LRP1B: variants seen among roughly 807,000 people sequenced by gnomAD.
LRP1B encodes the protein LDL receptor related protein 1B.
In LRP1B, 217 loss-of-function variants were observed where a neutral mutation model predicts 556.6. The observed-to-expected ratio is 0.39, with a 90% CI of 0.35 to 0.44. LRP1B has a LOEUF of 0.44. Among genes scored for constraint, LRP1B ranks in the 20% least tolerant of loss-of-function variants. The pLI is 1.00. For synonymous variants in LRP1B, 2,047 were observed against 1,865.8 expected, an observed-to-expected ratio of 1.10 and a Z score of -2.50; for missense variants, 5,053 against 5,620.8, an observed-to-expected ratio of 0.90 and a Z score of 3.23.
intron 2 of LRP1B, among the ~76,000 whole-genome samples, chr2:141,497,617 G>A (rs550423226): frequency 1.1e-4 from 17 of 152,058 alleles, no homozygotes; most frequent in African/African-American, 4.1e-4. Flanking sequence ...ACTGCAGGAT[G>A]TTTGCTGTTT....
At chr2:140,584,618 T>C (rs1015464772) in intron 43 of LRP1B, among the ~76,000 whole-genome samples, 1 of 152,252 alleles carries the variant, frequency 6.6e-6, no homozygotes, top group South Asian at 2.1e-4. Flanking sequence ...ATGAATACAC[T>C]AGTTGCCCTA....
chr2:140,353,369 T>A (rs542972053), intron 75 of LRP1B, among the ~76,000 whole-genome samples: 2 of 152,204 alleles, frequency 1.3e-5, no homozygotes, highest in South Asian at 4.1e-4. Flanking sequence ...TTTACTTATT[T>A]ATTTTTTTAC....
Position 141,971,928 on chromosome 2 carries a change from G to A in LRP1B, c.82+158720C>T, listed in dbSNP as rs571414908. Reference sequence around the variant, plus strand: ...CCCCTTTATACCTAATCTATCATCCGTGCTATTCTCTCTGTGTAAAATCTT... The same window carrying A: ...CCCCTTTATACCTAATCTATCATCCATGCTATTCTCTCTGTGTAAAATCTT... On this transcript the variant is annotated intron_variant, in intron 1 of 90. Transcript: ENST00000389484. 4.0e-5 allele frequency among the ~76,000 whole-genome samples: 6 copies of A among 151,324 alleles called. No individual in the cohort carries two copies. In the South Asian group the frequency reaches 6.2e-4, roughly 16 times the overall value.
At chr2:141,450,880 T>C (rs928721922) in intron 3 of LRP1B, among the ~76,000 whole-genome samples, 19 of 152,186 alleles carry the variant, frequency 1.2e-4, no homozygotes, top group African/African-American at 4.3e-4. Context: ...GTGACAATTA[T>C]GCCCTAGGGT....
At chr2:140,827,782 G>T (rs1412779304) in intron 31 of LRP1B, among the ~76,000 whole-genome samples, 1 of 152,076 alleles carries the variant, frequency 6.6e-6, no homozygotes, top group African/African-American at 2.4e-5. Context: ...TCACCAAACA[G>T]ATTCAACCCA....
intron 3 of LRP1B, among the ~76,000 whole-genome samples, chr2:141,343,525 T>C (rs193282544): frequency 6.6e-6 from 1 of 152,206 alleles, no homozygotes; most frequent in Non-Finnish European, 1.5e-5. Flanking sequence ...AGCTTTGTTT[T>C]GTGAAGCAGT....
Position 141,110,055 on chromosome 2 carries a change from C to A in LRP1B, c.1014-47782G>T, listed in dbSNP as rs545065458. Among the ~76,000 whole-genome samples the A allele has an allele frequency of 7.9e-5, 12 of 152,092 alleles. No homozygotes were observed. The South Asian group carries it at 2.3e-3, about 29-fold the overall frequency. On this transcript the variant is annotated intron_variant, in intron 7 of 90. Transcript: ENST00000389484. ...ACTTACATGAAAATAAAACATTCTT[C>A]AAACTTTCTGAACAAAATAGCATAG...
At chr2:141,888,970 A>C (rs1023447470) in intron 1 of LRP1B, among the ~76,000 whole-genome samples, 1 of 152,176 alleles carries the variant, frequency 6.6e-6, no homozygotes, top group Non-Finnish European at 1.5e-5. Context: ...AAATTTAAAA[A>C]TTTATAATAA....
At chr2:140,894,441 CTG>C (rs796532180) in intron 23 of LRP1B, among the ~76,000 whole-genome samples, 3 of 151,620 alleles carry the variant, frequency 2.0e-5, no homozygotes, top group African/African-American at 7.3e-5. Flanking sequence ...CCAAGAAACA[CTG>C]TGAAGAAAAA....
chr2:141,558,601 C>T (rs1421643917), intron 2 of LRP1B, among the ~76,000 whole-genome samples: 1 of 151,720 alleles, frequency 6.6e-6, no homozygotes, highest in Non-Finnish European at 1.5e-5. Context: ...GTTTTTAAGT[C>T]CAAGATACTT....
chr2:140,903,224 T>G, intron 22 of LRP1B, 59 bp from the exon 23 acceptor site: 1 of 1,557,316 alleles, frequency 6.4e-7, no homozygotes, highest in Non-Finnish European at 8.7e-7. Flanking sequence ...AGTTAAATAC[T>G]AATCATTGAA....
At chr2:142,109,084 G>A (rs1706868325) in intron 1 of LRP1B, among the ~76,000 whole-genome samples, 1 of 152,178 alleles carries the variant, frequency 6.6e-6, no homozygotes, top group Non-Finnish European at 1.5e-5. Flanking sequence ...TTTCTAGTGA[G>A]CCTAAAGTGG....
chr2:141,226,375 T>G (rs2105287521), intron 6 of LRP1B, among the ~76,000 whole-genome samples: 1 of 152,242 alleles, frequency 6.6e-6, no homozygotes, highest in African/African-American at 2.4e-5. Context: ...AGAGATGCAG[T>G]GGGTATCCAG....
chr2:140,422,751 T>A (rs887151122), intron 66 of LRP1B, among the ~76,000 whole-genome samples: 34 of 152,206 alleles, frequency 2.2e-4, no homozygotes, highest in Non-Finnish European at 2.9e-5. Context: ...TGTTTATTTG[T>A]TTTCTTGTTT....
chr2:141,620,014 G>A (rs1326708363), intron 2 of LRP1B, among the ~76,000 whole-genome samples: 1 of 152,160 alleles, frequency 6.6e-6, no homozygotes, highest in Non-Finnish European at 1.5e-5. Context: ...AGAGCGTGGT[G>A]CAATCATAGC....
chr2:141,798,118 G>C (rs1019364998), intron 2 of LRP1B, among the ~76,000 whole-genome samples: 1 of 152,178 alleles, frequency 6.6e-6, no homozygotes, highest in Non-Finnish European at 1.5e-5. Flanking sequence ...GAAAGATTTA[G>C]GTGTAAACAC....
At chr2:142,128,936 T>C (rs1707754567) in intron 1 of LRP1B, among the ~76,000 whole-genome samples, 1 of 152,232 alleles carries the variant, frequency 6.6e-6, no homozygotes, top group African/African-American at 2.4e-5. Context: ...ACTCCAATCA[T>C]GGTAGCAGTA....
chr2:141,112,461 G>A (rs745683749), intron 7 of LRP1B, among the ~76,000 whole-genome samples: 1 of 152,098 alleles, frequency 6.6e-6, no homozygotes, highest in Non-Finnish European at 1.5e-5. Context: ...GTTCCTAAAC[G>A]TAAGACCAGT....
At chr2:140,514,435 C>A (rs1689796951) in intron 51 of LRP1B, among the ~76,000 whole-genome samples, 1 of 151,118 alleles carries the variant, frequency 6.6e-6, no homozygotes, top group Non-Finnish European at 1.5e-5. Flanking sequence ...TTTGTTGTGG[C>A]AATATTAAGG....
Sources: allele counts gnomAD v4.1 joint callset (sites outside exome capture counted in the v4.1 genomes callset), GRCh38; gene constraint gnomAD v4.1.1; transcripts MANE v1.5; gene names NCBI Gene and HGNC (gene_info 2026-07-23, HGNC 2026-07-21).